KDM1A: variants seen among roughly 807,000 people sequenced by gnomAD.
KDM1A encodes the protein lysine-specific histone demethylase 1A.
In KDM1A, 49 loss-of-function variants were observed where a neutral mutation model predicts 109.4. That is an observed-to-expected ratio of 0.45 (90% confidence interval 0.36 to 0.57). The LOEUF (loss-of-function observed/expected upper bound fraction) is 0.57. Ranked by LOEUF, KDM1A falls within the 20% of genes least tolerant of loss-of-function variation. The probability of loss-of-function intolerance (pLI) is 0.00; values close to 1 mark genes in which losing one functional copy is unlikely to be tolerated. For synonymous variants in KDM1A, 380 were observed against 415.4 expected, an observed-to-expected ratio of 0.91 and a Z score of 1.04; for missense variants, 668 against 1,116.6, an observed-to-expected ratio of 0.60 and a Z score of 5.73.
At chr1:23,038,794 A>G (rs989689998) in intron 2 of KDM1A, among the ~76,000 whole-genome samples, 14 of 152,186 alleles carry the variant, frequency 9.2e-5, no homozygotes, top group Admixed American at 6.5e-5. Flanking sequence ...TGCTTCAAGC[A>G]AAACAATTTT....
intron 2 of KDM1A, 102 bp downstream of exon 2, chr1:23,030,736 TATA>T: frequency 7.9e-7 from 1 of 1,258,266 alleles, no homozygotes; most frequent in Non-Finnish European, 1.1e-6. Context: ...ATCTTTGGTT[TATA>T]ATAAAGTCTG....
intron 2 of KDM1A, among the ~76,000 whole-genome samples, chr1:23,034,567 G>A (rs1203167291): frequency 2.6e-5 from 4 of 152,178 alleles, no homozygotes; most frequent in East Asian, 1.9e-4. Flanking sequence ...TTGCATTCCT[G>A]TATTAACTGA....
At chr1:23,039,779 A>G in intron 2 of KDM1A, among the ~76,000 whole-genome samples, 1 of 152,236 alleles carries the variant, frequency 6.6e-6, no homozygotes, top group East Asian at 1.9e-4. Flanking sequence ...CTGATTCTCC[A>G]AGACTGTGTC....
chr1:23,061,078 G>A (rs1027336550), intron 9 of KDM1A, among the ~76,000 whole-genome samples: 5 of 152,166 alleles, frequency 3.3e-5, no homozygotes, highest in African/African-American at 1.2e-4. Context: ...CAGAGAAATG[G>A]ACTGCTTTCT....
At chr1:23,021,864 C>G (rs1641642756) in intron 1 of KDM1A, among the ~76,000 whole-genome samples, 1 of 152,230 alleles carries the variant, frequency 6.6e-6, no homozygotes, top group Non-Finnish European at 1.5e-5. Flanking sequence ...CCCCCAGTCC[C>G]TGGCAACCAC....
intron 3 of KDM1A, among the ~76,000 whole-genome samples, chr1:23,048,955 T>C (rs961156930): frequency 4.7e-4 from 71 of 151,610 alleles, no homozygotes; most frequent in African/African-American, 1.7e-3. Flanking sequence ...TCCAGACTAG[T>C]CTAGCCAACA....
chr1:23,037,388 G>A (rs1414710941), intron 2 of KDM1A, among the ~76,000 whole-genome samples: 1 of 151,632 alleles, frequency 6.6e-6, no homozygotes, highest in Non-Finnish European at 1.5e-5. Flanking sequence ...CAATAGAAAT[G>A]TATAGAAAGT....
rs1373493713 is a variant in KDM1A at position 23,019,507 on chromosome 1, A to T, written c.-90A>T. On this transcript the variant is annotated 5_prime_UTR_variant, in exon 1 of 21. Coordinates refer to ENST00000400181, the MANE Select transcript of KDM1A (RefSeq NM_001009999.3). ...CGACGGCGGTTGGCGGCGCGCGGGC[A>T]GCGTGAAGCGAGGCGAGGCAAGGCT... is the stretch of plus-strand genomic sequence containing the variant. The T allele has an allele frequency of 2.3e-6, 3 of 1,304,678 alleles. No homozygotes were observed. Among genetic ancestry groups the T allele is most frequent in the Non-Finnish European group, 1.9e-6 (2 of 1,027,028 alleles). The allele number at this position is 1,304,678 out of a possible 1,614,324, so 80.8% of individuals were successfully genotyped here.
chr1:23,081,348 C>G, intron 18 of KDM1A, 98 bp from the exon 19 acceptor site: 3 of 1,371,952 alleles, frequency 2.2e-6, no homozygotes, highest in Non-Finnish European at 3.1e-6. Flanking sequence ...GTCTTGTCAT[C>G]AGATTTCAGA....
At chr1:23,072,077 G>A in intron 13 of KDM1A, 47 bp from the exon 14 acceptor site, 3 of 1,137,718 alleles carry the variant, frequency 2.6e-6, no homozygotes, top group Non-Finnish European at 3.9e-6. Flanking sequence ...AAACTAGGTG[G>A]ATATCTGACC....
chr1:23,063,231 G>GTGTGT (rs1643064367), intron 9 of KDM1A, among the ~76,000 whole-genome samples: 2 of 29,552 alleles, frequency 6.8e-5, no homozygotes, highest in African/African-American at 1.7e-4. Context: ...GGTGTGTGTG[G>GTGTGT]GTGTGTGTGT....
rs569295350 is a variant in KDM1A at position 23,019,489 on chromosome 1, G to T, written c.-108G>T. 1.4e-4 allele frequency: 185 copies of T among 1,288,306 alleles called. No homozygotes were observed. The African/African-American group carries it at 2.5e-3, about 18-fold the overall frequency. 79.8% of individuals were successfully genotyped at this position (1,288,306 alleles called of 1,614,324 possible). On this transcript the variant is annotated 5_prime_UTR_variant, in exon 1 of 21. Transcript: ENST00000400181. ...GCTTGGCGCGTGCGTACGCGACGGCGGTTGGCGGCGCGCGGGCAGCGTGAA... is the reference window on the plus strand; with the variant it reads ...GCTTGGCGCGTGCGTACGCGACGGCTGTTGGCGGCGCGCGGGCAGCGTGAA...
intron 9 of KDM1A, among the ~76,000 whole-genome samples, chr1:23,061,119 A>T (rs929534374): frequency 3.9e-5 from 6 of 152,208 alleles, no homozygotes; most frequent in Non-Finnish European, 7.3e-5. Context: ...CGCATTTTTT[A>T]AAACATTTGT....
chr1:23,053,067 ATGT>A (rs924415989), intron 4 of KDM1A, among the ~76,000 whole-genome samples: 14 of 152,146 alleles, frequency 9.2e-5, no homozygotes, highest in African/African-American at 3.1e-4. Context: ...CAAAATGGAG[ATGT>A]TGTCCTTGAC....
At chr1:23,035,941 T>C (rs1319019442) in intron 2 of KDM1A, among the ~76,000 whole-genome samples, 2 of 152,202 alleles carry the variant, frequency 1.3e-5, no homozygotes, top group African/African-American at 2.4e-5. Flanking sequence ...TTTCACCTTA[T>C]ATTAGGGTAG....
At chr1:23,029,147 A>G (rs1641899219) in intron 1 of KDM1A, among the ~76,000 whole-genome samples, 1 of 152,116 alleles carries the variant, frequency 6.6e-6, no homozygotes, top group African/African-American at 2.4e-5. Context: ...GAGCAAAAAG[A>G]CAGTATAAAA....
At chr1:23,066,175 A>C (rs879656281) in intron 10 of KDM1A, 104 bp downstream of exon 10, 12 of 786,300 alleles carry the variant, frequency 1.5e-5, no homozygotes, top group Non-Finnish European at 2.3e-5. Flanking sequence ...TCTCCATCAT[A>C]CATTCACACT....
chr1:23,059,641 T>C (rs936281019), intron 9 of KDM1A, among the ~76,000 whole-genome samples: 4 of 152,212 alleles, frequency 2.6e-5, no homozygotes, highest in Non-Finnish European at 2.9e-5. Flanking sequence ...CTAAAGTATT[T>C]ATTGACCAGA....
chr1:23,023,860 A>AT (rs1422860827), intron 1 of KDM1A, among the ~76,000 whole-genome samples: 2 of 151,972 alleles, frequency 1.3e-5, no homozygotes, highest in Non-Finnish European at 2.9e-5. Flanking sequence ...TAACTGATTA[A>AT]TTTTTTGGAG....
Sources: allele counts gnomAD v4.1 joint callset (sites outside exome capture counted in the v4.1 genomes callset), GRCh38; gene constraint gnomAD v4.1.1; transcripts MANE v1.5; gene names NCBI Gene and HGNC (gene_info 2026-07-23, HGNC 2026-07-21).